The following EPS15 variants were observed in gnomAD, a reference collection of about 807,000 sequenced individuals.
The protein encoded by EPS15 is epidermal growth factor receptor pathway substrate 15.
EPS15 carries 72 observed loss-of-function variants against 113.8 expected under a neutral mutation model. The ratio of observed to expected loss-of-function variants is 0.63; its 90% confidence interval spans 0.52 to 0.77. EPS15 has a LOEUF of 0.77. Ranked by LOEUF, EPS15 falls within the 30% of genes least tolerant of loss-of-function variation. EPS15 has a pLI of 0.00. For missense variants in EPS15, 1,048 were observed against 1,045.8 expected, an observed-to-expected ratio of 1.00 and a Z score of -0.03; for synonymous variants, 344 against 363.4, an observed-to-expected ratio of 0.95 and a Z score of 0.61.
At chr1:51,378,397 C>T (rs1040610536) in intron 21 of EPS15, among the ~76,000 whole-genome samples, 1 of 151,988 alleles carries the variant, frequency 6.6e-6, no homozygotes, top group Non-Finnish European at 1.5e-5. Flanking sequence ...CGGCTCACAC[C>T]TGTAATCCTA....
At position 51,355,691 on chromosome 1, in the gene EPS15, T is replaced by C. The variant is rs1473901076; in HGVS notation, c.*1009A>G. On this transcript the variant is annotated 3_prime_UTR_variant, in exon 25 of 25. Transcript: ENST00000371733. ...TTTGTATTCAGTGAAAGTTTTTACATTTCAAGTAAATGAGCCTTCATTAAA... is the reference window on the plus strand; with the variant it reads ...TTTGTATTCAGTGAAAGTTTTTACACTTCAAGTAAATGAGCCTTCATTAAA... 5.3e-6 allele frequency: 1 copy of C among 188,602 alleles called. No homozygotes were observed. The highest frequency in any genetic ancestry group is 1.1e-5 in the Non-Finnish European group (1 of 89,946). 11.7% of individuals were successfully genotyped at this position (188,602 alleles called of 1,614,324 possible).
chr1:51,481,236 T>C (rs1221551578), intron 2 of EPS15, 37 bp downstream of exon 2: 4 of 1,058,478 alleles, frequency 3.8e-6, no homozygotes, highest in Non-Finnish European at 4.4e-6. Flanking sequence ...GTACATTTAA[T>C]GTTCAATCCA....
intron 24 of EPS15, among the ~76,000 whole-genome samples, chr1:51,360,689 A>G (rs1041971826): frequency 1.2e-4 from 19 of 152,124 alleles, no homozygotes; most frequent in Non-Finnish European, 1.9e-4. Flanking sequence ...TTTCTATTCA[A>G]AGAATCTCTG....
intron 24 of EPS15, among the ~76,000 whole-genome samples, chr1:51,357,410 ATATATATATATATATATTTT>A (rs1646253962): frequency 3.4e-5 from 2 of 58,258 alleles, no homozygotes; most frequent in Non-Finnish European, 6.0e-5. Flanking sequence ...ATATATATAT[ATATATATATATATATATTTT>A]TTTTTTTTAA....
At chr1:51,502,786 C>T (rs1644435257) in intron 1 of EPS15, among the ~76,000 whole-genome samples, 1 of 152,104 alleles carries the variant, frequency 6.6e-6, no homozygotes, top group African/African-American at 2.4e-5. Context: ...GGGTGGATCA[C>T]CTGAGGTCAG....
chr1:51,444,835 T>C lies in EPS15; in HGVS notation c.954+54A>G, dbSNP rs1047236839. ...TCCAAATTGAATCTGTAATTCGACA[T>C]AGTATTGTTCCTTTGAAATTAATAC... On this transcript the variant is annotated intron_variant, in intron 11 of 24. Coordinates refer to ENST00000371733, the MANE Select transcript of EPS15 (RefSeq NM_001981.3). 2.2e-5 allele frequency: 33 copies of C among 1,487,978 alleles called. No individual in the cohort carries two copies. The African/African-American group carries it at 2.2e-4, about 10-fold the overall frequency. 92.2% of individuals were successfully genotyped at this position (1,487,978 alleles called of 1,614,324 possible).
intron 1 of EPS15, among the ~76,000 whole-genome samples, chr1:51,518,851 C>G (rs1644781866): frequency 6.6e-6 from 1 of 151,956 alleles, no homozygotes; most frequent in South Asian, 2.1e-4. Flanking sequence ...TGGGAGGAAA[C>G]TTCCTGGGTA....
intron 4 of EPS15, 119 bp downstream of exon 4, chr1:51,471,571 G>C: frequency 1.3e-6 from 1 of 762,794 alleles, no homozygotes; most frequent in East Asian, 2.5e-5. Flanking sequence ...ACTTGCCCTA[G>C]GCAAAACTCT....
At chr1:51,437,735 G>A (rs937767684) in intron 12 of EPS15, among the ~76,000 whole-genome samples, 6 of 151,912 alleles carry the variant, frequency 3.9e-5, no homozygotes, top group South Asian at 2.1e-4. Context: ...CACCTGCCTC[G>A]GCCCCGCAAA....
chr1:51,385,950 T>C (rs1397719784), intron 21 of EPS15, among the ~76,000 whole-genome samples: 2 of 152,154 alleles, frequency 1.3e-5, no homozygotes, highest in Non-Finnish European at 2.9e-5. Context: ...GTTCTTGAGA[T>C]GGATGGTGGT....
intron 12 of EPS15, among the ~76,000 whole-genome samples, chr1:51,428,796 C>T (rs566522605): frequency 7.6e-6 from 1 of 131,890 alleles, no homozygotes; most frequent in South Asian, 2.3e-4. Context: ...TGCTGCACTC[C>T]AGCTTAGATG....
Position 51,363,887 on chromosome 1 carries a change from T to G in EPS15, c.2338A>C (p.Arg780=). 1 of 1,613,370 alleles carries G rather than the reference T, an allele frequency of 6.2e-7. No homozygotes were observed. The highest frequency in any genetic ancestry group is 1.1e-5 in the South Asian group (1 of 90,902). ...ATACCAGGTGGTAGAGGGCAGGGTCTTGTTGGAGTTCCGATCTTTGGTGGC... is the reference window on the plus strand; with the variant it reads ...ATACCAGGTGGTAGAGGGCAGGGTCGTGTTGGAGTTCCGATCTTTGGTGGC... The part of the protein sequence containing the change: ...ALPPKIGTPT[R]PCPLPPGKRS... Residue 780 remains arginine, a synonymous_variant, in exon 23 of 25, where the codon AGA becomes CGA. Transcript: ENST00000371733.
At chr1:51,483,122 G>A (rs1264652039) in intron 1 of EPS15, among the ~76,000 whole-genome samples, 1 of 152,140 alleles carries the variant, frequency 6.6e-6, no homozygotes, top group Non-Finnish European at 1.5e-5. Flanking sequence ...CCTTTGTCCA[G>A]GGCATCTACT....
At chr1:51,407,846 T>C (rs1297567708) in intron 15 of EPS15, among the ~76,000 whole-genome samples, 1 of 152,188 alleles carries the variant, frequency 6.6e-6, no homozygotes. Flanking sequence ...AAGAATCTGA[T>C]ACTAAGGTGA....
At chr1:51,377,076 G>A (rs1207035257) in intron 21 of EPS15, among the ~76,000 whole-genome samples, 1 of 152,124 alleles carries the variant, frequency 6.6e-6, no homozygotes, top group African/African-American at 2.4e-5. Context: ...AGACCAGCCT[G>A]GCCAACACAG....
At chr1:51,463,428 G>A (rs534432442) in intron 7 of EPS15, 1 of 308,186 alleles carries the variant, frequency 3.2e-6, no homozygotes. Flanking sequence ...AACTAAAAAA[G>A]GACCTACTTA....
chr1:51,425,303 C>T (rs1420005727), intron 12 of EPS15, among the ~76,000 whole-genome samples: 1 of 152,210 alleles, frequency 6.6e-6, no homozygotes, highest in South Asian at 2.1e-4. Context: ...GACAGTTAGG[C>T]TGAGGGACCT....
intron 9 of EPS15, 135 bp from the exon 10 acceptor site, chr1:51,447,240 C>T: frequency 4.4e-6 from 3 of 683,252 alleles, no homozygotes; most frequent in Non-Finnish European, 7.1e-6. Context: ...CAATGTATCA[C>T]TTCCATATGA....
chr1:51,385,821 T>C (rs778950415), intron 21 of EPS15, among the ~76,000 whole-genome samples: 11 of 152,198 alleles, frequency 7.2e-5, no homozygotes, highest in Non-Finnish European at 1.2e-4. Flanking sequence ...ATTTTTTTTA[T>C]GATTCCACTT....
Sources: allele counts gnomAD v4.1 joint callset (sites outside exome capture counted in the v4.1 genomes callset), GRCh38; gene constraint gnomAD v4.1.1; transcripts MANE v1.5; gene names NCBI Gene and HGNC (gene_info 2026-07-23, HGNC 2026-07-21).